CREBZF: variants seen among roughly 807,000 people sequenced by gnomAD.
CREBZF encodes HCF-binding transcription factor Zhangfei.
CREBZF carries 8 observed loss-of-function variants against 21.1 expected under a neutral mutation model. That is an observed-to-expected ratio of 0.38 (90% CI 0.22 to 0.68). CREBZF has a LOEUF of 0.68. Among genes scored for constraint, CREBZF ranks in the 30% least tolerant of loss-of-function variants. CREBZF has a pLI of 0.51. For missense variants in CREBZF, 518 were observed against 484.3 expected, an observed-to-expected ratio of 1.07 and a Z score of -0.65; for synonymous variants, 270 against 223.3, an observed-to-expected ratio of 1.21 and a Z score of -1.86.
chr11:85,668,098 G>A (rs1439660374), upstream of CREBZF, among the ~76,000 whole-genome samples: 1 of 152,066 alleles, frequency 6.6e-6, no homozygotes, highest in Non-Finnish European at 1.5e-5. Flanking sequence ...TTATTGATCA[G>A]TTCTGCAATT....
chr11:85,680,605 A>C (rs2082970676), intron 1 of CREBZF, among the ~76,000 whole-genome samples: 1 of 152,214 alleles, frequency 6.6e-6, no homozygotes, highest in Admixed American at 6.5e-5. Flanking sequence ...ATTTTTCCCA[A>C]GTGGAATAAA....
rs1200109895 is a variant in CREBZF, at chr11:85,661,937, T to A, written c.*1874A>T. 6.7e-6 allele frequency: 1 copy of A among 150,274 alleles called. No homozygotes were observed. The highest frequency in any genetic ancestry group is 1.5e-5 in the Non-Finnish European group (1 of 67,564). The allele number at this position is 150,274 out of a possible 1,614,324, so 9.3% of individuals were successfully genotyped here. A position where few individuals can be genotyped will look rare whatever the true frequency, so the allele number is the denominator to read the frequency against. ...GATAGCACAAATTAGTCATTTCAAA[T>A]AATCTTTCCAACTACTTTTGGTTTA... On this transcript the variant is annotated 3_prime_UTR_variant, in exon 1 of 1. Coordinates refer to ENST00000527447, the MANE Select transcript of CREBZF (RefSeq NM_001039618.4).
Position 85,664,695 on chromosome 11 carries a change from C to T in CREBZF, c.181G>A (p.Gly61Arg), listed in dbSNP as rs202171636. 167 of 1,604,626 alleles carry T rather than the reference C, an allele frequency of 1.0e-4. 1 individual carries two copies. Among genetic ancestry groups the T allele is most frequent in the Non-Finnish European group, 4.3e-5 (51 of 1,176,596 alleles). ...PGRKQQFGDE[G>R]ELEAGRGSRG... ...CTCCCCCTCCCGGCTTCCAACTCTC[C>T]TTCGTCGCCAAACTGCTGCTTGCGG... Residue 61 changes from glycine to arginine, a missense_variant, in exon 1 of 1, where the codon GGA becomes AGA. Physicochemically the swap from Gly to Arg is moderately radical, Grantham distance 125. This residue lies in a region of CREBZF where 396 missense variants were observed against 324.4 expected (regional missense o/e 1.22). Coordinates refer to ENST00000527447, the MANE Select transcript of CREBZF (RefSeq NM_001039618.4). This position sits in a 1 kb window ranked among gnomAD's most constrained non-coding sequence, Gnocchi z 5.5.
At chr11:85,678,365 A>T (rs2082954967) in intron 1 of CREBZF, among the ~76,000 whole-genome samples, 1 of 147,860 alleles carries the variant, frequency 6.8e-6, no homozygotes, top group African/African-American at 2.5e-5. Context: ...GGGAATATGT[A>T]TTTTTTTTTT....
Position 85,664,001 on chromosome 11 carries a change from G to A in CREBZF, c.875C>T (p.Thr292Ile). 6.2e-7 allele frequency: 1 copy of A among 1,612,912 alleles called. No individual in the cohort carries two copies. The highest frequency in any genetic ancestry group is 8.5e-7 in the Non-Finnish European group (1 of 1,179,918). Residue 292 changes from threonine to isoleucine, a missense_variant, in exon 1 of 1, where the codon ACC becomes ATC. Physicochemically the swap from Thr to Ile is moderately conservative, Grantham distance 89 (BLOSUM62 -1). Around this residue, in one of 3 missense-constraint regions of CREBZF, gnomAD observed 114 missense variants for 134.1 expected, o/e 0.85. Transcript: ENST00000527447. The surrounding 1 kb of genome is among the most constrained non-coding windows in gnomAD (Gnocchi z 5.5). ...GGGCGAGTCTCTGAAGAGCGAGGTG[G>A]TCAGCCGCAGTCCCACGCCGCTCAG... ...SRLSGVGLRL[T>I]TSLFRDSPAG...
chr11:85,679,977 T>C (rs760689833), intron 1 of CREBZF, among the ~76,000 whole-genome samples: 1 of 152,242 alleles, frequency 6.6e-6, no homozygotes, highest in Non-Finnish European at 1.5e-5. Context: ...ATTCACATAG[T>C]TCAAAAGTCA....
intron 1 of CREBZF, among the ~76,000 whole-genome samples, chr11:85,678,844 C>T (rs1388368219): frequency 6.6e-6 from 1 of 152,204 alleles, no homozygotes; most frequent in Non-Finnish European, 1.5e-5. Context: ...CAGTCTTATG[C>T]CAATGCACCC....
At chr11:85,665,451 A>C (rs1049579430), upstream of CREBZF, among the ~76,000 whole-genome samples, 4 of 123,638 alleles carry the variant, frequency 3.2e-5, no homozygotes, top group African/African-American at 1.0e-4. Context: ...ATCTCTAAAA[A>C]TAAGGACTTT....
intron 1 of CREBZF, among the ~76,000 whole-genome samples, chr11:85,682,337 G>T (rs1311790766): frequency 6.6e-6 from 1 of 152,008 alleles, no homozygotes; most frequent in Non-Finnish European, 1.5e-5. Flanking sequence ...TATGTTGTGG[G>T]CTCTTCTTCG....
rs1408702794 is a variant in CREBZF at position 85,659,494 on chromosome 11, A to G, written c.*4317T>C. Among the ~76,000 whole-genome samples the G allele has an allele frequency of 6.6e-6, 1 of 152,088 alleles. No homozygotes were observed. The highest frequency in any genetic ancestry group is 2.4e-5 in the African/African-American group (1 of 41,456). The stretch of plus-strand genomic sequence containing the variant: ...GCCTGGCTTCACAGGCACTGAATAC[A>G]CTTAAAATGGTAAGAAACTGAATGG... On this transcript the variant is annotated 3_prime_UTR_variant, in exon 1 of 1. Transcript: ENST00000527447.
intron 1 of CREBZF, among the ~76,000 whole-genome samples, chr11:85,672,317 G>A (rs1349000032): frequency 6.6e-6 from 1 of 152,214 alleles, no homozygotes; most frequent in Non-Finnish European, 1.5e-5. Context: ...TCATGGGTGG[G>A]GCTGCCTCGA....
exon 1 of CREBZF, chr11:85,682,732 C>A (rs1409297219): frequency 1.4e-6 from 1 of 696,088 alleles, no homozygotes; most frequent in African/African-American, 1.8e-5. Context: ...CGGCCCTCAG[C>A]CCGCTTCCAG....
At chr11:85,672,049 A>T (rs2082915115) in intron 1 of CREBZF, among the ~76,000 whole-genome samples, 1 of 152,214 alleles carries the variant, frequency 6.6e-6, no homozygotes, top group Non-Finnish European at 1.5e-5. Flanking sequence ...GTGTTTCCAT[A>T]CATCCTCTAA....
At chr11:85,669,403 C>G (rs1171982286), upstream of CREBZF, among the ~76,000 whole-genome samples, 1 of 9,720 alleles carries the variant, frequency 1.0e-4, no homozygotes, top group Non-Finnish European at 1.4e-4. Context: ...AGTCATTCTA[C>G]ACACACACAC....
rs750702014 is a variant in CREBZF, at chr11:85,663,923, A to T, written c.953T>A (p.Leu318Gln). Residue 318 changes from leucine to glutamine, a missense_variant, in exon 1 of 1, where the codon CTG (leucine) becomes CAG (glutamine). Coordinates refer to ENST00000527447, the MANE Select transcript of CREBZF (RefSeq NM_001039618.4). ...TCCTCCCGCCGAGTCGTCCTCTTCC[A>T]GCAGGTCCTGCTTCTGCTTTCCCAC... ...LPVGKQKQDL[L>Q]EEDDSAGGVC... 1.2e-6 allele frequency: 2 copies of T among 1,613,664 alleles called. No individual in the cohort carries two copies. The highest frequency in any genetic ancestry group is 1.7e-6 in the Non-Finnish European group (2 of 1,180,016).
At chr11:85,671,053 A>C (rs2082908251) in intron 1 of CREBZF, among the ~76,000 whole-genome samples, 1 of 152,212 alleles carries the variant, frequency 6.6e-6, no homozygotes, top group Non-Finnish European at 1.5e-5. Flanking sequence ...AGAACTGCTC[A>C]ACACTGGGTA....
At chr11:85,682,620 T>G in intron 1 of CREBZF, 12 of 148,682 alleles carry the variant, frequency 8.1e-5, no homozygotes, top group East Asian at 3.4e-4. Flanking sequence ...CCCAACGCGA[T>G]CTTCCAGACG....
intron 1 of CREBZF, among the ~76,000 whole-genome samples, chr11:85,677,434 T>G (rs931599207): frequency 6.6e-6 from 1 of 152,226 alleles, no homozygotes; most frequent in African/African-American, 2.4e-5. Flanking sequence ...GGTTGTTATG[T>G]CTCTTAAATT....
At chr11:85,678,005 C>T (rs563416096) in intron 1 of CREBZF, among the ~76,000 whole-genome samples, 1 of 152,128 alleles carries the variant, frequency 6.6e-6, no homozygotes, top group Non-Finnish European at 1.5e-5. Flanking sequence ...TCAATTAATT[C>T]TCTTTAATTA....
Sources: gnomAD v4.1 joint callset for allele counts (sites outside exome capture counted in the v4.1 genomes callset) on GRCh38, gnomAD v4.1.1 for gene constraint, gnomAD v4.1.1 regional missense constraint, Gnocchi (gnomAD v3.1) non-coding constraint, MANE v1.5 for transcripts, NCBI Gene and HGNC (gene_info 2026-07-23, HGNC 2026-07-21) for gene names.